Variants in ELAPOR2 observed in about 807,000 individuals in gnomAD.
ELAPOR2 encodes endosome-lysosome associated apoptosis and autophagy regulator family member 2, also known as endosome/lysosome-associated apoptosis and autophagy regulator family member 2.
ELAPOR2 carries 89 observed loss-of-function variants against 120.7 expected under a neutral mutation model. The ratio of observed to expected loss-of-function variants is 0.74; its 90% CI spans 0.62 to 0.88. The LOEUF is 0.88. Ranked by LOEUF, ELAPOR2 falls within the 40% of genes least tolerant of loss-of-function variation. ELAPOR2 has a pLI of 0.00. For missense variants in ELAPOR2, 1,134 were observed against 1,251.6 expected, an observed-to-expected ratio of 0.91 and a Z score of 1.42; for synonymous variants, 444 against 444.9, an observed-to-expected ratio of 1.00 and a Z score of 0.03.
intron 8 of ELAPOR2, 116 bp downstream of exon 8, chr7:86,938,010 T>A (rs1010058660): frequency 8.2e-6 from 6 of 732,306 alleles, no homozygotes; most frequent in African/African-American, 7.1e-5. Flanking sequence ...TAAAATTTCC[T>A]CTTTACACTT....
intron 8 of ELAPOR2, among the ~76,000 whole-genome samples, chr7:86,929,916 C>G (rs1790254273): frequency 6.6e-6 from 1 of 151,908 alleles, no homozygotes. Context: ...GCCTGCTTCC[C>G]CTTTTACCAT....
intron 18 of ELAPOR2, among the ~76,000 whole-genome samples, chr7:86,903,077 G>A (rs151083059): frequency 2.6e-5 from 4 of 152,164 alleles, no homozygotes; most frequent in East Asian, 3.9e-4. Flanking sequence ...GATCAAAACC[G>A]AGACAAACTA....
intron 21 of ELAPOR2, among the ~76,000 whole-genome samples, chr7:86,886,942 A>G (rs1562896681): frequency 6.6e-6 from 1 of 152,008 alleles, no homozygotes; most frequent in East Asian, 1.9e-4. Flanking sequence ...ATAACTGAAA[A>G]CCAACAAGAT....
At position 86,949,310 on chromosome 7, in the gene ELAPOR2, T is replaced by C. The variant is rs199907234; in HGVS notation, c.311-1388A>G. ...CTCTCTAGGCCTTAGTTTCTGTCTC[T>C]AAAAAATGAGATAACAATCACAATA... On this transcript the variant is annotated intron_variant, in intron 2 of 21. Coordinates refer to ENST00000450689, the MANE Select transcript of ELAPOR2 (RefSeq NM_001142749.3). 3.1e-4 allele frequency among the ~76,000 whole-genome samples: 47 copies of C among 152,288 alleles called. 1 individual carries two copies. In the East Asian group the frequency reaches 8.7e-3, roughly 28 times the overall value.
At chr7:87,009,524 A>G (rs1793588111) in intron 1 of ELAPOR2, among the ~76,000 whole-genome samples, 1 of 152,210 alleles carries the variant, frequency 6.6e-6, no homozygotes, top group African/African-American at 2.4e-5. Context: ...CCAGAGGTAC[A>G]TAAATTTAAT....
At chr7:86,955,834 T>C (rs1418591644) in intron 2 of ELAPOR2, among the ~76,000 whole-genome samples, 1 of 151,954 alleles carries the variant, frequency 6.6e-6, no homozygotes, top group Non-Finnish European at 1.5e-5. Context: ...ACAGACTCCA[T>C]GACTCTCTAC....
intron 2 of ELAPOR2, among the ~76,000 whole-genome samples, chr7:86,950,713 C>T (rs957061656): frequency 2.0e-5 from 3 of 152,174 alleles, no homozygotes; most frequent in Non-Finnish European, 4.4e-5. Context: ...CCTTGGCCAG[C>T]GTGGGACCCA....
At chr7:86,922,067 G>T (rs1789858442) in intron 10 of ELAPOR2, among the ~76,000 whole-genome samples, 1 of 151,746 alleles carries the variant, frequency 6.6e-6, no homozygotes, top group African/African-American at 2.4e-5. Context: ...CTATCAACCA[G>T]GGCATATCAA....
At chr7:86,965,174 T>C in intron 1 of ELAPOR2, 150 bp from the exon 2 acceptor site, 1 of 750,138 alleles carries the variant, frequency 1.3e-6, no homozygotes, top group Non-Finnish European at 2.2e-6. Context: ...AGCAGCTTAT[T>C]GATCAAAGAG....
intron 2 of ELAPOR2, among the ~76,000 whole-genome samples, chr7:86,955,741 A>G (rs1791442726): frequency 6.6e-6 from 1 of 152,118 alleles, no homozygotes; most frequent in Non-Finnish European, 1.5e-5. Flanking sequence ...AACCATCCCA[A>G]TTCAGATTCC....
chr7:87,008,804 G>A (rs1182573537), intron 1 of ELAPOR2, among the ~76,000 whole-genome samples: 1 of 152,180 alleles, frequency 6.6e-6, no homozygotes, highest in African/African-American at 2.4e-5. Flanking sequence ...TAAGAAACTG[G>A]AGCAAAATGT....
intron 1 of ELAPOR2, among the ~76,000 whole-genome samples, chr7:86,968,857 C>T (rs545595841): frequency 2.6e-5 from 4 of 152,184 alleles, no homozygotes; most frequent in Non-Finnish European, 5.9e-5. Context: ...GAAGAAGTGC[C>T]TGGGCCCATG....
intron 1 of ELAPOR2, among the ~76,000 whole-genome samples, chr7:87,024,533 G>T (rs754702838): frequency 2.5e-4 from 38 of 151,962 alleles, no homozygotes; most frequent in Non-Finnish European, 4.9e-4. Flanking sequence ...CTCTTTTTTT[G>T]TTGTCTCTCT....
intron 1 of ELAPOR2, among the ~76,000 whole-genome samples, chr7:86,983,175 T>C (rs182112203): frequency 2.0e-4 from 31 of 152,182 alleles, no homozygotes; most frequent in African/African-American, 7.5e-4. Context: ...CTCCAACAAA[T>C]ATGGGACTAT....
intron 21 of ELAPOR2, among the ~76,000 whole-genome samples, chr7:86,888,285 GTGAAATTATAGTTACTGAAA>G (rs1403759037): frequency 6.6e-6 from 1 of 152,064 alleles, no homozygotes; most frequent in Non-Finnish European, 1.5e-5. Flanking sequence ...TAGAAATAAG[GTGAAATTATAGTTACTGAAA>G]TGAGACAAGC....
chr7:86,907,680 A>T lies in ELAPOR2; in HGVS notation c.2548T>A (p.Ser850Thr), dbSNP rs189756607. 462 of 1,572,146 alleles carry T rather than the reference A, an allele frequency of 2.9e-4. 5 individuals carry two copies. In the Admixed American group the frequency reaches 8.5e-3, roughly 29 times the overall value. ...NPTKSGAGVI[S>T]VPSKCPAGTC... ...TGGAAATAAGGATACCTGGGGACTG[A>T]AATCACTCCTGCTCCAGATTTAGTA... The change falls in exon 18 of 22, where the codon TCA becomes ACA. Residue 850 changes from serine to threonine, a missense_variant. Physicochemically the swap from Ser to Thr is moderately conservative, Grantham distance 58 (BLOSUM62 1). This residue lies in a region of ELAPOR2 where 831 missense variants were observed against 867.6 expected (regional missense o/e 0.96). Transcript: ENST00000450689.
intron 21 of ELAPOR2, among the ~76,000 whole-genome samples, chr7:86,885,525 C>T (rs1269377529): frequency 6.6e-6 from 1 of 152,142 alleles, no homozygotes; most frequent in Admixed American, 6.6e-5. Flanking sequence ...ACCCCAACTT[C>T]AGCTGCTTCA....
chr7:86,909,816 G>T lies in ELAPOR2; in HGVS notation c.2355C>A (p.Phe785Leu). ...TATGAACCAAAGGAAGCTTACCTAT[G>T]AATGTATCTGCCAGAATGATGGATT... Reference protein sequence around the residue: ...SSQSIILADTFIGVTVETTLK... With the variant: ...SSQSIILADTLIGVTVETTLK... The change falls in exon 16 of 22, where the codon TTC becomes TTA. Residue 785 changes from phenylalanine to leucine, a missense_variant. Phe to Leu is a conservative substitution (Grantham distance 22). Around this residue, in one of 3 missense-constraint regions of ELAPOR2, gnomAD observed 831 missense variants for 867.6 expected, o/e 0.96. Transcript: ENST00000450689. The T allele has an allele frequency of 6.2e-7, 1 of 1,607,166 alleles. No homozygotes were observed. Among genetic ancestry groups the T allele is most frequent in the Non-Finnish European group, 8.5e-7 (1 of 1,176,734 alleles).
intron 19 of ELAPOR2, among the ~76,000 whole-genome samples, chr7:86,895,409 C>G (rs1788392467): frequency 6.6e-6 from 1 of 152,010 alleles, no homozygotes; most frequent in Non-Finnish European, 1.5e-5. Flanking sequence ...AACTGAAGCT[C>G]AAGCTCCTTG....
Sources: allele counts gnomAD v4.1 joint callset (sites outside exome capture counted in the v4.1 genomes callset), GRCh38; gene constraint gnomAD v4.1.1; regional missense constraint gnomAD v4.1.1; transcripts MANE v1.5; gene names NCBI Gene and HGNC (gene_info 2026-07-23, HGNC 2026-07-21).